SMIM31: variants seen among roughly 807,000 people sequenced by gnomAD.
The protein encoded by SMIM31 is human epithelial cell program regulator.
At chr4:164,800,194 G>A (rs4264786) in intron 2 of SMIM31, among the ~76,000 whole-genome samples, 52,113 of 151,624 alleles carry the variant, frequency 0.34, 9,555 homozygotes, top group East Asian at 0.42. Context: ...TACATTTAAA[G>A]GGTGTTTAAC....
intron 1 of SMIM31, among the ~76,000 whole-genome samples, chr4:164,755,470 A>T (rs1732546058): frequency 7.2e-6 from 1 of 139,832 alleles, no homozygotes; most frequent in Non-Finnish European, 1.5e-5. Context: ...ACAGAGGGAG[A>T]CTCTGTCTCA....
At chr4:164,796,956 T>C (rs1352170656) in intron 2 of SMIM31, among the ~76,000 whole-genome samples, 3 of 152,244 alleles carry the variant, frequency 2.0e-5, no homozygotes, top group East Asian at 1.9e-4. Flanking sequence ...CCTCTTGATC[T>C]TCTTTTCCGT....
intron 1 of SMIM31, among the ~76,000 whole-genome samples, chr4:164,762,662 C>CAAAAAAAAAAAA (rs1162067333): frequency 9.1e-4 from 91 of 99,828 alleles, no homozygotes; most frequent in Middle Eastern, 5.2e-3. Flanking sequence ...GACTCTGTCT[C>CAAAAAAAAAAAA]AAAAAAAAAA....
chr4:164,802,229 T>A lies in SMIM31; in HGVS notation c.*1035T>A, dbSNP rs967047542. 6.6e-6 allele frequency: 1 copy of A among 152,260 alleles called. No individual in the cohort carries two copies. The highest frequency in any genetic ancestry group is 2.4e-5 in the African/African-American group (1 of 41,428). The allele number at this position is 152,260 out of a possible 1,614,324, so 9.4% of individuals were successfully genotyped here. On this transcript the variant is annotated 3_prime_UTR_variant, in exon 3 of 3. Coordinates refer to ENST00000507311, the MANE Select transcript of SMIM31 (RefSeq NM_001352885.1). ...GCCTGGGCGACAGAGCAAGACTCTG[T>A]CTCAAAAGAAAAAAAACAAAGAGAG...
At chr4:164,796,880 TATTTCATTTAGACCAATAGCCA>T (rs1431803952) in intron 2 of SMIM31, among the ~76,000 whole-genome samples, 1 of 152,234 alleles carries the variant, frequency 6.6e-6, no homozygotes, top group African/African-American at 2.4e-5. Context: ...GTAATGATGC[TATTTCATTTAGACCAATAGCCA>T]AAATTCCTAC....
At chr4:164,755,490 G>C (rs934738510) in intron 1 of SMIM31, among the ~76,000 whole-genome samples, 1 of 126,698 alleles carries the variant, frequency 7.9e-6, no homozygotes, top group Admixed American at 8.4e-5. Flanking sequence ...AAACAGAAAG[G>C]AAAGGAGAGG....
At chr4:164,758,473 A>G in intron 1 of SMIM31, among the ~76,000 whole-genome samples, 1 of 152,160 alleles carries the variant, frequency 6.6e-6, no homozygotes, top group South Asian at 2.1e-4. Context: ...ACCTTTAAGT[A>G]TGGTGTTAGC....
intron 2 of SMIM31, among the ~76,000 whole-genome samples, chr4:164,797,717 G>A (rs889964186): frequency 3.6e-4 from 55 of 152,138 alleles, no homozygotes; most frequent in African/African-American, 1.3e-3. Context: ...GCCCGCCTAG[G>A]CCCCCAAAGT....
intron 2 of SMIM31, among the ~76,000 whole-genome samples, chr4:164,771,181 C>T (rs998645488): frequency 9.2e-5 from 14 of 152,172 alleles, no homozygotes; most frequent in Non-Finnish European, 1.9e-4. Flanking sequence ...ATCCGATAGA[C>T]ATACAACACT....
intron 2 of SMIM31, among the ~76,000 whole-genome samples, chr4:164,779,804 A>C (rs1245829571): frequency 4.6e-5 from 7 of 152,204 alleles, no homozygotes; most frequent in African/African-American, 1.7e-4. Flanking sequence ...GGAATCAATA[A>C]AGTTATGCTT....
intron 1 of SMIM31, among the ~76,000 whole-genome samples, chr4:164,764,313 A>C (rs1217552671): frequency 3.3e-5 from 5 of 152,136 alleles, no homozygotes; most frequent in Non-Finnish European, 5.9e-5. Flanking sequence ...TCACACCTGT[A>C]ACCTCAGCAC....
chr4:164,760,501 C>A (rs1408760227), intron 1 of SMIM31, among the ~76,000 whole-genome samples: 1 of 150,816 alleles, frequency 6.6e-6, no homozygotes, highest in South Asian at 2.1e-4. Context: ...GAGGCCAAGG[C>A]GGGTGGATCA....
chr4:164,798,185 C>T lies in SMIM31; in HGVS notation c.113-2906C>T, dbSNP rs144678681. ...ATCTTTGCTATTGTGATCATTGTTG[C>T]GATAAACATATGAGTATAGGTATCT... On this transcript the variant is annotated intron_variant, in intron 2 of 2. Coordinates refer to ENST00000507311, the MANE Select transcript of SMIM31 (RefSeq NM_001352885.1). 1.8e-3 allele frequency among the ~76,000 whole-genome samples: 277 copies of T among 151,540 alleles called. 2 individuals are homozygous for T. Among genetic ancestry groups the T allele is most frequent in the Middle Eastern group, 0.01 (3 of 294 alleles).
intron 2 of SMIM31, among the ~76,000 whole-genome samples, chr4:164,795,959 C>A (rs545537197): frequency 6.6e-6 from 1 of 152,240 alleles, no homozygotes; most frequent in South Asian, 2.1e-4. Context: ...GAAACCCCCA[C>A]CTTCACTCCT....
intron 2 of SMIM31, among the ~76,000 whole-genome samples, chr4:164,783,217 C>CAAAAAA (rs753365487): frequency 2.5e-3 from 81 of 32,852 alleles, no homozygotes; most frequent in South Asian, 7.3e-3. Flanking sequence ...GACTCTGTCT[C>CAAAAAA]AAAAAAAAAA....
chr4:164,789,850 C>T (rs910213463), intron 2 of SMIM31, among the ~76,000 whole-genome samples: 2 of 152,170 alleles, frequency 1.3e-5, no homozygotes, highest in African/African-American at 4.8e-5. Context: ...CTCTGAGTCC[C>T]TGTTCTCTTA....
intron 1 of SMIM31, among the ~76,000 whole-genome samples, chr4:164,766,808 A>AG (rs1254040030): frequency 6.6e-6 from 1 of 152,082 alleles, no homozygotes; most frequent in Non-Finnish European, 1.5e-5. Context: ...AAAAAAAAAA[A>AG]AAGAAGAAAA....
At chr4:164,767,244 A>T (rs983999519) in intron 1 of SMIM31, among the ~76,000 whole-genome samples, 7 of 152,192 alleles carry the variant, frequency 4.6e-5, no homozygotes, top group Non-Finnish European at 1.0e-4. Flanking sequence ...GGGATAGTCT[A>T]ATGACCATCT....
At chr4:164,774,612 A>G (rs577223875) in intron 2 of SMIM31, among the ~76,000 whole-genome samples, 2 of 152,348 alleles carry the variant, frequency 1.3e-5, no homozygotes, top group East Asian at 3.8e-4. Flanking sequence ...GTATGGAGCT[A>G]TGATGCAAAT....
Sources: allele counts gnomAD v4.1 joint callset (sites outside exome capture counted in the v4.1 genomes callset), GRCh38; gene constraint gnomAD v4.1.1; transcripts MANE v1.5; gene names NCBI Gene and HGNC (gene_info 2026-07-23, HGNC 2026-07-21).